Variants in PTPRK observed in about 807,000 individuals in gnomAD.
PTPRK encodes the protein protein tyrosine phosphatase receptor type K.
A neutral mutation model predicts 178.0 loss-of-function variants in PTPRK; 75 were observed. The ratio of observed to expected loss-of-function variants is 0.42; its 90% CI spans 0.35 to 0.51. PTPRK has a LOEUF of 0.51. PTPRK is among the 20% of genes least tolerant of loss of function. The pLI, the probability that PTPRK is intolerant of heterozygous loss-of-function variation, is 0.02. For missense variants in PTPRK, 1,441 were observed against 1,797.8 expected, an observed-to-expected ratio of 0.80 and a Z score of 3.59; for synonymous variants, 637 against 620.6, an observed-to-expected ratio of 1.03 and a Z score of -0.39.
chr6:128,239,072 A>C (rs1331090560), intron 5 of PTPRK, among the ~76,000 whole-genome samples: 1 of 146,130 alleles, frequency 6.8e-6, no homozygotes, highest in East Asian at 2.3e-4. Context: ...TATCTAAAGG[A>C]TGTAGTAAAA....
At chr6:128,151,533 T>A (rs1298718773) in intron 7 of PTPRK, among the ~76,000 whole-genome samples, 1 of 151,752 alleles carries the variant, frequency 6.6e-6, no homozygotes, top group Non-Finnish European at 1.5e-5. Flanking sequence ...TCTTCATAGA[T>A]GAAAACTGCA....
chr6:128,487,134 A>C (rs1338366922), intron 1 of PTPRK, among the ~76,000 whole-genome samples: 1 of 144,520 alleles, frequency 6.9e-6, no homozygotes, highest in Non-Finnish European at 1.5e-5. Flanking sequence ...TTCACATGGC[A>C]GGAAAGCTGC....
intron 3 of PTPRK, among the ~76,000 whole-genome samples, chr6:128,246,178 T>G (rs1339699541): frequency 6.6e-6 from 1 of 152,182 alleles, no homozygotes; most frequent in Non-Finnish European, 1.5e-5. Context: ...AAATCATTTT[T>G]TTGAAAACAA....
At chr6:128,347,641 G>T (rs1832593856) in intron 2 of PTPRK, among the ~76,000 whole-genome samples, 1 of 152,020 alleles carries the variant, frequency 6.6e-6, no homozygotes, top group African/African-American at 2.4e-5. Flanking sequence ...TAAATACACG[G>T]TAAAGCAATC....
intron 6 of PTPRK, among the ~76,000 whole-genome samples, chr6:128,204,494 G>C (rs968623900): frequency 7.9e-5 from 12 of 152,048 alleles, no homozygotes; most frequent in South Asian, 2.1e-4. Flanking sequence ...CTACAAAATG[G>C]GAGAAAATTT....
At chr6:127,982,398 G>A (rs936608058) in intron 24 of PTPRK, among the ~76,000 whole-genome samples, 3 of 151,942 alleles carry the variant, frequency 2.0e-5, no homozygotes, top group African/African-American at 7.3e-5. Flanking sequence ...TCAGCCTCCC[G>A]AGTAGCTGGG....
intron 13 of PTPRK, among the ~76,000 whole-genome samples, chr6:128,058,427 A>AT (rs1780263367): frequency 6.6e-6 from 1 of 152,136 alleles, no homozygotes; most frequent in Admixed American, 6.6e-5. Flanking sequence ...TCATAGGTTA[A>AT]TTGATCATTT....
At chr6:128,506,217 G>C (rs1034768085) in intron 1 of PTPRK, among the ~76,000 whole-genome samples, 2 of 152,072 alleles carry the variant, frequency 1.3e-5, no homozygotes. Flanking sequence ...CTAAATCTGA[G>C]TGCTACTCCC....
intron 13 of PTPRK, among the ~76,000 whole-genome samples, chr6:128,029,981 G>A (rs905308502): frequency 1.3e-5 from 2 of 152,160 alleles, no homozygotes; most frequent in Non-Finnish European, 2.9e-5. Context: ...AGGGAAAGCA[G>A]CTAAGTGAGA....
chr6:128,001,365 T>G (rs943766964), intron 15 of PTPRK, among the ~76,000 whole-genome samples: 1 of 151,952 alleles, frequency 6.6e-6, no homozygotes, highest in Non-Finnish European at 1.5e-5. Context: ...GATGCAAAAC[T>G]CTAAAGACCA....
chr6:128,088,382 AAAAAG>A (rs1195195207), intron 8 of PTPRK, among the ~76,000 whole-genome samples: 5 of 151,902 alleles, frequency 3.3e-5, no homozygotes, highest in African/African-American at 4.8e-5. Flanking sequence ...TTCAAAAAAA[AAAAAG>A]AAAAGAAAAG....
At chr6:128,367,798 T>C (rs1322816415) in intron 2 of PTPRK, among the ~76,000 whole-genome samples, 1 of 152,168 alleles carries the variant, frequency 6.6e-6, no homozygotes, top group Non-Finnish European at 1.5e-5. Flanking sequence ...ACAGGTTTCT[T>C]AGCACATAAT....
chr6:128,122,404 A>G (rs1311982619), intron 7 of PTPRK, among the ~76,000 whole-genome samples: 1 of 152,196 alleles, frequency 6.6e-6, no homozygotes, highest in African/African-American at 2.4e-5. Flanking sequence ...CTGAAATCCT[A>G]TAAATTGAAA....
chr6:128,152,048 A>G, intron 7 of PTPRK, among the ~76,000 whole-genome samples: 1 of 151,984 alleles, frequency 6.6e-6, no homozygotes, highest in East Asian at 1.9e-4. Context: ...AGACCTAGGA[A>G]GGGGCTATTA....
intron 24 of PTPRK, 62 bp from the exon 25 acceptor site, chr6:127,981,351 A>G: frequency 2.8e-6 from 4 of 1,404,086 alleles, no homozygotes; most frequent in South Asian, 2.7e-5. Flanking sequence ...TATAACACAG[A>G]TCCATCAGGA....
intron 1 of PTPRK, among the ~76,000 whole-genome samples, chr6:128,423,663 A>G (rs1195117559): frequency 1.3e-5 from 2 of 151,910 alleles, no homozygotes; most frequent in Non-Finnish European, 2.9e-5. Flanking sequence ...CCCCATCTCT[A>G]CTAAAAATAC....
At chr6:128,087,326 T>C (rs1187205822) in intron 8 of PTPRK, among the ~76,000 whole-genome samples, 1 of 152,148 alleles carries the variant, frequency 6.6e-6, no homozygotes, top group Admixed American at 6.6e-5. Flanking sequence ...GACATGATTT[T>C]TTTTTTAAGG....
intron 13 of PTPRK, among the ~76,000 whole-genome samples, chr6:128,044,214 G>A (rs1425804981): frequency 1.3e-5 from 2 of 151,876 alleles, no homozygotes; most frequent in Non-Finnish European, 2.9e-5. Context: ...CCACTTAGTC[G>A]CACATGCCAA....
chr6:128,125,644 G>T (rs905003941), intron 7 of PTPRK, among the ~76,000 whole-genome samples: 1 of 108,802 alleles, frequency 9.2e-6, no homozygotes, highest in Non-Finnish European at 1.7e-5. Context: ...AAGTCTTGCT[G>T]TGTCCCTTAG....
Sources: gnomAD v4.1 joint callset for allele counts (sites outside exome capture counted in the v4.1 genomes callset) on GRCh38, gnomAD v4.1.1 for gene constraint, MANE v1.5 for transcripts, NCBI Gene and HGNC (gene_info 2026-07-23, HGNC 2026-07-21) for gene names.